FRMD4A: variants seen among roughly 807,000 people sequenced by gnomAD.
FRMD4A encodes FERM domain-containing protein 4A.
FRMD4A carries 29 observed loss-of-function variants against 129.1 expected under a neutral mutation model. That is an observed-to-expected ratio of 0.22 (90% CI 0.17 to 0.31). The LOEUF is 0.31. Ranked by LOEUF, FRMD4A falls within the 10% of genes least tolerant of loss-of-function variation. The pLI, the probability that FRMD4A is intolerant of heterozygous loss-of-function variation, is 1.00. For missense variants in FRMD4A, 1,272 were observed against 1,375.8 expected, an observed-to-expected ratio of 0.92 and a Z score of 1.19; for synonymous variants, 634 against 571.6, an observed-to-expected ratio of 1.11 and a Z score of -1.56.
At chr10:13,669,094 C>A (rs1029824946) in intron 17 of FRMD4A, among the ~76,000 whole-genome samples, 1 of 125,246 alleles carries the variant, frequency 8.0e-6, no homozygotes. Context: ...GAGACAGGGT[C>A]TCTGTCACCC....
At chr10:13,680,456 C>T (rs539499153) in intron 15 of FRMD4A, among the ~76,000 whole-genome samples, 4 of 149,548 alleles carry the variant, frequency 2.7e-5, no homozygotes, top group South Asian at 2.1e-4. Context: ...GGCTGGGTGT[C>T]GTGGCTCATG....
intron 2 of FRMD4A, among the ~76,000 whole-genome samples, chr10:13,954,413 A>G (rs952133225): frequency 2.6e-5 from 4 of 152,200 alleles, no homozygotes; most frequent in Admixed American, 2.0e-4. Context: ...TTACAAAACC[A>G]TCAGATCTCC....
chr10:14,063,017 T>C (rs1565222130), intron 2 of FRMD4A, among the ~76,000 whole-genome samples: 1 of 152,230 alleles, frequency 6.6e-6, no homozygotes. Context: ...ATGTTTCCTG[T>C]TTCATTGACA....
chr10:14,048,171 T>C (rs556055779), intron 2 of FRMD4A, among the ~76,000 whole-genome samples: 4 of 152,248 alleles, frequency 2.6e-5, no homozygotes, highest in African/African-American at 9.6e-5. Flanking sequence ...AAGATATCAC[T>C]AGGACTGATT....
At chr10:14,018,328 C>T (rs1233958532) in intron 2 of FRMD4A, among the ~76,000 whole-genome samples, 4 of 150,950 alleles carry the variant, frequency 2.6e-5, no homozygotes, top group Admixed American at 6.6e-5. Context: ...TGGTGGCAGG[C>T]GTCTGTAGTC....
intron 2 of FRMD4A, among the ~76,000 whole-genome samples, chr10:14,272,997 C>A (rs887135887): frequency 6.6e-6 from 1 of 151,900 alleles, no homozygotes; most frequent in East Asian, 1.9e-4. Flanking sequence ...AGACGGATTG[C>A]CTGAGCTCAG....
At chr10:13,797,601 CCT>C (rs1190014668) in intron 4 of FRMD4A, among the ~76,000 whole-genome samples, 13 of 152,264 alleles carry the variant, frequency 8.5e-5, no homozygotes. Flanking sequence ...GCTGAAGAAT[CCT>C]CTCTTTCCTT....
intron 4 of FRMD4A, among the ~76,000 whole-genome samples, chr10:13,802,779 T>A (rs2093281972): frequency 6.6e-6 from 1 of 152,084 alleles, no homozygotes; most frequent in African/African-American, 2.4e-5. Flanking sequence ...TGGCCAAGTG[T>A]ATGAAATGCT....
chr10:13,786,490 C>T (rs1420689961), intron 5 of FRMD4A, among the ~76,000 whole-genome samples: 1 of 152,110 alleles, frequency 6.6e-6, no homozygotes, highest in Non-Finnish European at 1.5e-5. Context: ...CCCGTAATCC[C>T]AGCTACTTGG....
intron 5 of FRMD4A, among the ~76,000 whole-genome samples, chr10:13,788,527 G>A (rs1413789152): frequency 6.6e-6 from 1 of 152,186 alleles, no homozygotes; most frequent in Non-Finnish European, 1.5e-5. Context: ...CTCCTCATCT[G>A]CTGGCCTCAC....
intron 2 of FRMD4A, among the ~76,000 whole-genome samples, chr10:14,075,043 G>A (rs117786200): frequency 6.4e-4 from 98 of 152,190 alleles, no homozygotes; most frequent in Non-Finnish European, 1.3e-3. Context: ...AATTAAAAAA[G>A]CAAGCAAACT....
At chr10:13,667,084 G>A (rs570363394) in intron 17 of FRMD4A, among the ~76,000 whole-genome samples, 79 of 151,960 alleles carry the variant, frequency 5.2e-4, no homozygotes, top group Non-Finnish European at 8.2e-4. Flanking sequence ...GCTAACTTTT[G>A]TATTTTTAGT....
intron 12 of FRMD4A, among the ~76,000 whole-genome samples, chr10:13,733,880 C>G (rs1017985815): frequency 6.6e-6 from 1 of 152,224 alleles, no homozygotes; most frequent in African/African-American, 2.4e-5. Flanking sequence ...CTCCTAGCTA[C>G]TGGTGTGCCA....
chr10:13,694,287 C>T (rs2086008210), intron 14 of FRMD4A, among the ~76,000 whole-genome samples: 1 of 152,208 alleles, frequency 6.6e-6, no homozygotes, highest in Non-Finnish European at 1.5e-5. Context: ...CTGTAGGCTG[C>T]ACTGCTTTGT....
chr10:14,249,386 A>T (rs1344959332), intron 2 of FRMD4A, among the ~76,000 whole-genome samples: 2 of 151,972 alleles, frequency 1.3e-5, no homozygotes, highest in Non-Finnish European at 2.9e-5. Flanking sequence ...ATAGATATTG[A>T]AATAACTTTC....
At chr10:14,049,170 C>T (rs1834139856) in intron 2 of FRMD4A, among the ~76,000 whole-genome samples, 1 of 152,090 alleles carries the variant, frequency 6.6e-6, no homozygotes, top group Non-Finnish European at 1.5e-5. Flanking sequence ...CATTACAGAA[C>T]CAGGATAAGA....
intron 8 of FRMD4A, among the ~76,000 whole-genome samples, chr10:13,759,803 C>T (rs1014378210): frequency 6.6e-6 from 1 of 152,294 alleles, no homozygotes; most frequent in East Asian, 1.9e-4. Context: ...AAGCTACTTA[C>T]AGTCATTATC....
At chr10:14,069,671 A>G (rs1426060602) in intron 2 of FRMD4A, among the ~76,000 whole-genome samples, 1 of 152,172 alleles carries the variant, frequency 6.6e-6, no homozygotes, top group Non-Finnish European at 1.5e-5. Flanking sequence ...TTAATTTACT[A>G]TTATATGATT....
At chr10:13,754,225 T>C (rs7095537) in intron 8 of FRMD4A, among the ~76,000 whole-genome samples, 26,048 of 151,600 alleles carry the variant, frequency 0.17, 2,431 homozygotes, top group East Asian at 0.31. Context: ...GCTGTCATAA[T>C]ACAAAATTTC....
Sources: allele counts gnomAD v4.1 joint callset (sites outside exome capture counted in the v4.1 genomes callset), GRCh38; gene constraint gnomAD v4.1.1; transcripts MANE v1.5; gene names NCBI Gene and HGNC (gene_info 2026-07-23, HGNC 2026-07-21).